The following CTNNA3 variants were observed in gnomAD, a reference collection of about 807,000 sequenced individuals.
CTNNA3 encodes catenin alpha-3.
A neutral mutation model predicts 95.7 loss-of-function variants in CTNNA3; 76 were observed. That is an observed-to-expected ratio of 0.79 (90% CI 0.66 to 0.96). The LOEUF is 0.96. CTNNA3 is among the 40% of genes least tolerant of loss of function. CTNNA3 has a pLI of 0.00. For synonymous variants in CTNNA3, 431 were observed against 374.4 expected (o/e 1.15, Z -1.74); for missense variants, 1,191 against 1,089.8 (o/e 1.09, Z -1.31).
At chr10:65,954,112 T>G (rs1434988841) in intron 17 of CTNNA3, among the ~76,000 whole-genome samples, 2 of 152,242 alleles carry the variant, frequency 1.3e-5, no homozygotes, top group African/African-American at 2.4e-5. Flanking sequence ...ACTGTGGTTT[T>G]GATTTGCATT....
Position 66,032,210 on chromosome 10 carries a change from TA to T in CTNNA3, c.2159+37097del, listed in dbSNP as rs200151483. Among the ~76,000 whole-genome samples, 103 of 152,178 alleles carry T rather than the reference TA, an allele frequency of 6.8e-4. No individual in the cohort carries two copies. In the East Asian group the frequency reaches 0.015, roughly 22 times the overall value. ...GTGCACAATATTTCTTTGATTTTTT[TA>T]AAAAAATTATTTGAAAAGTAAATGG... On this transcript the variant is annotated intron_variant, in intron 15 of 17. Coordinates refer to ENST00000433211, the MANE Select transcript of CTNNA3 (RefSeq NM_013266.4).
At chr10:66,590,783 T>A (rs1241768968) in intron 10 of CTNNA3, among the ~76,000 whole-genome samples, 1 of 151,944 alleles carries the variant, frequency 6.6e-6, no homozygotes, top group Non-Finnish European at 1.5e-5. Context: ...ATTAGAAAAA[T>A]TATAATTATA....
chr10:66,675,320 C>G (rs75391616), intron 9 of CTNNA3, among the ~76,000 whole-genome samples: 8 of 151,524 alleles, frequency 5.3e-5, no homozygotes, highest in Non-Finnish European at 8.8e-5. Flanking sequence ...TTACTACATA[C>G]CTTTTTGCTC....
chr10:67,469,346 A>G (rs969285865), intron 5 of CTNNA3, among the ~76,000 whole-genome samples: 3 of 152,208 alleles, frequency 2.0e-5, no homozygotes, highest in Non-Finnish European at 4.4e-5. Context: ...AAATCCCCCT[A>G]AAGTTGAAAT....
intron 1 of CTNNA3, among the ~76,000 whole-genome samples, chr10:67,667,047 C>T (rs1423285778): frequency 6.6e-6 from 1 of 152,132 alleles, no homozygotes; most frequent in African/African-American, 2.4e-5. Flanking sequence ...GAAAACAGAA[C>T]TAAATTACAG....
intron 12 of CTNNA3, among the ~76,000 whole-genome samples, chr10:66,304,359 C>T (rs2091903859): frequency 6.6e-6 from 1 of 152,142 alleles, no homozygotes; most frequent in Non-Finnish European, 1.5e-5. Flanking sequence ...TCTGAACAGC[C>T]ACAGAACCTA....
rs114449488 is a variant in CTNNA3, at chr10:67,668,420, T to A, written c.-5-20902A>T. On this transcript the variant is annotated intron_variant, in intron 1 of 17. Coordinates refer to ENST00000433211, the MANE Select transcript of CTNNA3 (RefSeq NM_013266.4). ...ACCACAGATAGTTCTGAACCCTATA[T>A]ATGTTTTTCCTATACCTGCAAACTA... is the stretch of plus-strand genomic sequence containing the variant. Among the ~76,000 whole-genome samples the A allele has an allele frequency of 7.9e-3, 1,198 of 152,318 alleles. 21 individuals are homozygous for A. Among genetic ancestry groups the A allele is most frequent in the African/African-American group, 0.028 (1,144 of 41,558 alleles).
At chr10:66,095,971 T>C (rs1402174785) in intron 14 of CTNNA3, among the ~76,000 whole-genome samples, 1 of 152,140 alleles carries the variant, frequency 6.6e-6, no homozygotes, top group Non-Finnish European at 1.5e-5. Flanking sequence ...GACTGCATAT[T>C]ACAATTTCTG....
intron 10 of CTNNA3, among the ~76,000 whole-genome samples, chr10:66,591,763 T>C (rs11598645): frequency 0.014 from 2,067 of 152,240 alleles, 30 homozygotes; most frequent in Non-Finnish European, 0.021. Context: ...CTCTATACTT[T>C]GTTAAAATCC....
chr10:67,745,795 A>G (rs1841372243), intron 1 of CTNNA3, among the ~76,000 whole-genome samples: 1 of 152,162 alleles, frequency 6.6e-6, no homozygotes, highest in Non-Finnish European at 1.5e-5. Context: ...AAATCTGAAA[A>G]AGAAATTAAG....
chr10:66,814,266 G>A (rs368887484), intron 7 of CTNNA3, among the ~76,000 whole-genome samples: 201 of 136,946 alleles, frequency 1.5e-3, no homozygotes, highest in Middle Eastern at 3.8e-3. Flanking sequence ...AAGGAGGAAA[G>A]AAAAAAAAAA....
chr10:67,626,891 C>A (rs1428198572), intron 2 of CTNNA3, among the ~76,000 whole-genome samples: 1 of 152,142 alleles, frequency 6.6e-6, no homozygotes, highest in Non-Finnish European at 1.5e-5. Flanking sequence ...TTTTCAAGTT[C>A]CCTTGACTTT....
At chr10:67,251,422 G>C (rs948919157) in intron 5 of CTNNA3, among the ~76,000 whole-genome samples, 8 of 152,078 alleles carry the variant, frequency 5.3e-5, no homozygotes, top group African/African-American at 1.4e-4. Flanking sequence ...ATACATCTCT[G>C]TAACTATACT....
intron 14 of CTNNA3, among the ~76,000 whole-genome samples, chr10:66,081,421 G>C (rs887954062): frequency 2.6e-5 from 4 of 151,902 alleles, no homozygotes; most frequent in African/African-American, 7.3e-5. Context: ...AGACCAGACT[G>C]GCCAACATAG....
chr10:66,011,734 T>C (rs1407115442), intron 15 of CTNNA3, among the ~76,000 whole-genome samples: 1 of 152,214 alleles, frequency 6.6e-6, no homozygotes, highest in Non-Finnish European at 1.5e-5. Context: ...TCATTTATTC[T>C]CTTAAGGGCC....
intron 11 of CTNNA3, among the ~76,000 whole-genome samples, chr10:66,400,499 G>A (rs1223302263): frequency 5.3e-5 from 8 of 152,054 alleles, no homozygotes; most frequent in African/African-American, 1.9e-4. Flanking sequence ...ATATTGGCAT[G>A]TGTGAGAAAG....
In CTNNA3 at chr10:66,045,763, C is replaced by T. The variant is rs548207585; in HGVS notation, c.2159+23545G>A. Among the ~76,000 whole-genome samples the T allele has an allele frequency of 5.9e-5, 9 of 152,174 alleles. 1 individual carries two copies. The South Asian group carries it at 1.9e-3, about 32-fold the overall frequency. On this transcript the variant is annotated intron_variant, in intron 15 of 17. Transcript: ENST00000433211. ...GTATTCCTTTTTTTCTTCTAGGCTA[C>T]TAAGCTCTAATCTGGAAACAAAACC...
At chr10:66,394,603 T>C (rs1196949750) in intron 11 of CTNNA3, among the ~76,000 whole-genome samples, 2 of 149,954 alleles carry the variant, frequency 1.3e-5, no homozygotes, top group African/African-American at 2.4e-5. Context: ...ATTACCAGAC[T>C]GAGCATCAGG....
intron 1 of CTNNA3, among the ~76,000 whole-genome samples, chr10:67,702,783 GA>G (rs1564836536): frequency 6.6e-6 from 1 of 152,102 alleles, no homozygotes; most frequent in Non-Finnish European, 1.5e-5. Flanking sequence ...GATCAGAGCA[GA>G]ACTGAAGGAA....
Sources: allele counts gnomAD v4.1 joint callset (sites outside exome capture counted in the v4.1 genomes callset), GRCh38; gene constraint gnomAD v4.1.1; transcripts MANE v1.5; gene names NCBI Gene and HGNC (gene_info 2026-07-23, HGNC 2026-07-21).